FAM114A1: variants seen among roughly 807,000 people sequenced by gnomAD.
The protein encoded by FAM114A1 is family with sequence similarity 114 member A1, also known as protein NOXP20.
Under a neutral mutation model 64.3 loss-of-function variants are expected in FAM114A1, and 62 were observed. The observed-to-expected ratio is 0.96, with a 90% confidence interval of 0.79 to 1.19. The LOEUF is 1.19. FAM114A1 is among the 50% of genes most tolerant of loss of function. The pLI is 0.00. For synonymous variants in FAM114A1, 254 were observed against 251.1 expected (o/e 1.01, Z -0.11); for missense variants, 645 against 676.3 (o/e 0.95, Z 0.51).
intron 3 of FAM114A1, among the ~76,000 whole-genome samples, chr4:38,891,366 T>C (rs1716365591): frequency 6.6e-6 from 1 of 152,142 alleles, no homozygotes; most frequent in African/African-American, 2.4e-5. Flanking sequence ...TTAAGCCCTG[T>C]AAGAATTGCC....
rs17616831 is a variant in FAM114A1, at chr4:38,925,392, A to C, written c.1069+2499A>C. Among the ~76,000 whole-genome samples, 861 of 152,342 alleles carry C rather than the reference A, an allele frequency of 5.7e-3. 13 individuals carry two copies. Among genetic ancestry groups the C allele is most frequent in the South Asian group, 0.047 (227 of 4,828 alleles). On this transcript the variant is annotated intron_variant, in intron 9 of 14. Coordinates refer to ENST00000358869, the MANE Select transcript of FAM114A1 (RefSeq NM_138389.4). ...ACAACCCCAGAAAGGTTCAGGGATT[A>C]TGCAAAAGCTGTCGTAAGGAATCTT...
intron 3 of FAM114A1, among the ~76,000 whole-genome samples, chr4:38,890,401 CA>C (rs3067630): frequency 0.026 from 3,261 of 127,506 alleles, 148 homozygotes; most frequent in African/African-American, 0.095. Flanking sequence ...GACTCCGTCT[CA>C]AAAAAAAAAA....
chr4:38,932,408 C>T (rs1365595467), intron 12 of FAM114A1, 34 bp downstream of exon 12: 1 of 1,562,234 alleles, frequency 6.4e-7, no homozygotes, highest in Admixed American at 2.0e-5. Context: ...CTTATTTTCC[C>T]AGTTTTATAT....
At chr4:38,918,036 A>G (rs1223550256) in intron 8 of FAM114A1, among the ~76,000 whole-genome samples, 1 of 151,450 alleles carries the variant, frequency 6.6e-6, no homozygotes, top group Admixed American at 6.6e-5. Flanking sequence ...GACCAACATG[A>G]TGAAACCCCG....
intron 3 of FAM114A1, among the ~76,000 whole-genome samples, chr4:38,883,419 C>T (rs773242956): frequency 2.0e-5 from 3 of 151,692 alleles, no homozygotes; most frequent in Admixed American, 6.6e-5. Flanking sequence ...AGCCAGTCAA[C>T]CCTTAAAAGA....
At chr4:38,912,751 CTT>C (rs1718679909) in intron 7 of FAM114A1, among the ~76,000 whole-genome samples, 2 of 152,158 alleles carry the variant, frequency 1.3e-5, no homozygotes. Context: ...AATTTCATCC[CTT>C]CTTTTTTCTC....
rs372382288 is a variant in FAM114A1, at chr4:38,905,754, G to A, written c.551-1G>A. 3 of 1,611,334 alleles carry A rather than the reference G, an allele frequency of 1.9e-6. No individual in the cohort carries two copies. Among genetic ancestry groups the A allele is most frequent in the Non-Finnish European group, 2.5e-6 (3 of 1,179,346 alleles). On this transcript the variant is annotated splice_acceptor_variant, in intron 5 of 14. Coordinates refer to ENST00000358869, the MANE Select transcript of FAM114A1 (RefSeq NM_138389.4). LOFTEE classifies it high-confidence loss of function. The stretch of plus-strand genomic sequence containing the variant: ...TTAAAGGATTTCTTTTTTCTCTTTA[G>A]TAACAGATGCAGCCACAGATCAGGG...
At position 38,945,106 on chromosome 4, in the gene FAM114A1, C is replaced by T. The variant is rs750007330; in HGVS notation, c.*1549C>T. On this transcript the variant is annotated 3_prime_UTR_variant, in exon 15 of 15. Transcript: ENST00000358869. ...GTTTAAAATTAATTTCTTACGATCA[C>T]GAGCACATGGTGGCATAATTACAAA... 3 of 152,202 alleles carry T rather than the reference C, an allele frequency of 2.0e-5. No homozygotes were observed. Among genetic ancestry groups the T allele is most frequent in the South Asian group, 2.1e-4 (1 of 4,820 alleles). 9.4% of individuals were successfully genotyped at this position (152,202 alleles called of 1,614,324 possible). A position where few individuals can be genotyped will look rare whatever the true frequency, so the allele number is the denominator to read the frequency against.
intron 9 of FAM114A1, among the ~76,000 whole-genome samples, chr4:38,924,108 A>G (rs951230337): frequency 1.3e-5 from 2 of 152,194 alleles, no homozygotes; most frequent in African/African-American, 4.8e-5. Context: ...GGCGTTAAAC[A>G]AGTTATATAC....
intron 3 of FAM114A1, among the ~76,000 whole-genome samples, chr4:38,882,762 G>T (rs1453999777): frequency 1.3e-5 from 2 of 152,170 alleles, no homozygotes; most frequent in East Asian, 1.9e-4. Flanking sequence ...TGGTGTGTAT[G>T]TGTATGCATA....
chr4:38,943,349 T>A, intron 14 of FAM114A1, 107 bp from the exon 15 acceptor site: 4 of 821,892 alleles, frequency 4.9e-6, no homozygotes, highest in Non-Finnish European at 7.6e-6. Context: ...ATAAATATAA[T>A]CCAATATGGG....
rs376260905 is a variant in FAM114A1 at position 38,914,828 on chromosome 4, C to A, written c.793-93C>A. ...GACCAGAATCTCCCCCTCTCCAACA[C>A]AAAATCAGTCCTCCCAACCTCCCCC... On this transcript the variant is annotated intron_variant, in intron 7 of 14. Transcript: ENST00000358869. The A allele has an allele frequency of 1.2e-5, 17 of 1,408,648 alleles. No individual in the cohort carries two copies. In the African/African-American group the frequency reaches 2.1e-4, roughly 18 times the overall value. The allele number at this position is 1,408,648 out of a possible 1,614,324, so 87.3% of individuals were successfully genotyped here. A position where few individuals can be genotyped will look rare whatever the true frequency, so the allele number is the denominator to read the frequency against.
chr4:38,916,591 A>G (rs1033577041), intron 8 of FAM114A1, among the ~76,000 whole-genome samples: 1 of 152,184 alleles, frequency 6.6e-6, no homozygotes, highest in Non-Finnish European at 1.5e-5. Flanking sequence ...GTTCTTACTC[A>G]TAAGTGAAGT....
intron 9 of FAM114A1, among the ~76,000 whole-genome samples, chr4:38,924,158 CAAT>C (rs1392463058): frequency 2.1e-5 from 3 of 144,938 alleles, no homozygotes; most frequent in Admixed American, 6.8e-5. Flanking sequence ...AAAATGGAGA[CAAT>C]GATATATATA....
intron 4 of FAM114A1, among the ~76,000 whole-genome samples, chr4:38,894,316 A>G (rs962737453): frequency 2.0e-5 from 3 of 152,136 alleles, no homozygotes; most frequent in African/African-American, 7.2e-5. Context: ...CATGCAGATA[A>G]TAAATACTGC....
At chr4:38,939,185 T>TAC (rs1261939237) in intron 13 of FAM114A1, among the ~76,000 whole-genome samples, 2 of 152,232 alleles carry the variant, frequency 1.3e-5, no homozygotes, top group African/African-American at 2.4e-5. Context: ...TATTTATATG[T>TAC]ACACACATAC....
chr4:38,935,541 C>T (rs1196434084), intron 12 of FAM114A1, among the ~76,000 whole-genome samples, 177 bp from the exon 13 acceptor site: 2 of 152,116 alleles, frequency 1.3e-5, no homozygotes, highest in Non-Finnish European at 2.9e-5. Context: ...ACTGTGATTG[C>T]GAATCATGGA....
At chr4:38,912,187 C>T (rs937352864) in intron 7 of FAM114A1, among the ~76,000 whole-genome samples, 10 of 151,912 alleles carry the variant, frequency 6.6e-5, no homozygotes, top group Non-Finnish European at 1.0e-4. Context: ...CTTTAAATAA[C>T]ACGGGGACAG....
intron 9 of FAM114A1, among the ~76,000 whole-genome samples, chr4:38,924,164 T>A (rs1014316504): frequency 2.0e-5 from 2 of 98,460 alleles, no homozygotes; most frequent in Admixed American, 1.8e-4. Context: ...GAGACAATGA[T>A]ATATATATCA....
Sources: allele counts gnomAD v4.1 joint callset (sites outside exome capture counted in the v4.1 genomes callset), GRCh38; gene constraint gnomAD v4.1.1; transcripts MANE v1.5; gene names NCBI Gene and HGNC (gene_info 2026-07-23, HGNC 2026-07-21).